The following ZNF397 variants were observed in gnomAD, a reference collection of about 807,000 sequenced individuals.
The protein encoded by ZNF397 is zinc finger protein 397.
In ZNF397, 38 loss-of-function variants were observed where a neutral mutation model predicts 50.6. The ratio of observed to expected loss-of-function variants is 0.75; its 90% CI spans 0.58 to 0.98. The LOEUF (loss-of-function observed/expected upper bound fraction) is 0.98, where lower values mean the gene tolerates loss of function less well. Among genes scored for constraint, ZNF397 ranks in the 50% least tolerant of loss-of-function variants. ZNF397 has a pLI of 0.00. For missense variants in ZNF397, 624 were observed against 624.1 expected, an observed-to-expected ratio of 1.00 and a Z score of 0.00; for synonymous variants, 228 against 215.2, an observed-to-expected ratio of 1.06 and a Z score of -0.52.
chr18:35,251,238 G>T (rs1035024610), downstream of ZNF397: 3 of 152,078 alleles, frequency 2.0e-5, no homozygotes, highest in African/African-American at 7.2e-5. Context: ...TGTTAACAAC[G>T]TTTCTATGGG....
chr18:35,246,561 C>T lies in ZNF397; in HGVS notation c.*251C>T, dbSNP rs758632511. Reference sequence around the variant, plus strand: ...TCTTATTAGGAATACTCAGGAAATACGAAAAGTGGGAATGTAACATTGAAA... The same window carrying T: ...TCTTATTAGGAATACTCAGGAAATATGAAAAGTGGGAATGTAACATTGAAA... On this transcript the variant is annotated 3_prime_UTR_variant, in exon 4 of 4. Coordinates refer to ENST00000330501, the MANE Select transcript of ZNF397 (RefSeq NM_001135178.3). The T allele has an allele frequency of 2.1e-4, 261 of 1,254,034 alleles. No homozygotes were observed. The highest frequency in any genetic ancestry group is 7.4e-4 in the Admixed American group (19 of 25,574). 77.7% of individuals were successfully genotyped at this position (1,254,034 alleles called of 1,614,324 possible).
At chr18:35,253,486 G>C (rs745950472), downstream of ZNF397, 6 of 1,603,438 alleles carry the variant, frequency 3.7e-6, no homozygotes, top group Non-Finnish European at 5.1e-6. Context: ...GCTGCATAAG[G>C]CCTGACCTAT....
intron 3 of ZNF397, among the ~76,000 whole-genome samples, chr18:35,244,655 C>T (rs1912793143): frequency 6.6e-6 from 1 of 151,952 alleles, no homozygotes; most frequent in Non-Finnish European, 1.5e-5. Flanking sequence ...GTGTGATCCT[C>T]AGTGTCAATG....
chr18:35,241,975 G>A lies in ZNF397; in HGVS notation c.-80-416G>A, dbSNP rs1005899136. On this transcript the variant is annotated intron_variant, in intron 1 of 3. Transcript: ENST00000330501. ...TTTAAAATCAGTATTACTAAATTCT[G>A]CCTAAATATTTTTACTCTTGGAAGT... Among the ~76,000 whole-genome samples, 24 of 152,058 alleles carry A rather than the reference G, an allele frequency of 1.6e-4. 1 individual carries two copies. The highest frequency in any genetic ancestry group is 1.6e-3 in the Admixed American group (24 of 15,262).
At chr18:35,245,119 C>T in intron 3 of ZNF397, 143 bp from the exon 4 acceptor site, 2 of 1,030,542 alleles carry the variant, frequency 1.9e-6, no homozygotes, top group Non-Finnish European at 2.7e-6. Flanking sequence ...ATAAGAGAGA[C>T]CCTCTTTTGG....
intron 3 of ZNF397, chr18:35,243,625 T>G: frequency 1.8e-6 from 1 of 567,606 alleles, no homozygotes; most frequent in Non-Finnish European, 3.1e-6. Flanking sequence ...TGTAGTAAAT[T>G]ATAGAATATA....
chr18:35,257,877 C>T (rs575582047), intron 5 of ZNF397: 1 of 780,898 alleles, frequency 1.3e-6, no homozygotes, highest in African/African-American at 1.7e-5. Context: ...GAGACCACAT[C>T]ATTGCTTGCT....
In ZNF397 at chr18:35,246,455, G is replaced by T. The variant is rs952499864; in HGVS notation, c.*145G>T. 4.9e-6 allele frequency: 7 copies of T among 1,434,050 alleles called. No individual in the cohort carries two copies. Among genetic ancestry groups the T allele is most frequent in the Non-Finnish European group, 6.4e-6 (7 of 1,096,632 alleles). The allele number at this position is 1,434,050 out of a possible 1,614,324, so 88.8% of individuals were successfully genotyped here. A position where few individuals can be genotyped will look rare whatever the true frequency, so the allele number is the denominator to read the frequency against. On this transcript the variant is annotated 3_prime_UTR_variant, in exon 4 of 4. Coordinates refer to ENST00000330501, the MANE Select transcript of ZNF397 (RefSeq NM_001135178.3). Reference sequence around the variant, plus strand: ...CTTGCTTTGTGCAGCATTTCCCAGTGCTAATGTAAAGTGTCCCTTGAAAGC... The same window carrying T: ...CTTGCTTTGTGCAGCATTTCCCAGTTCTAATGTAAAGTGTCCCTTGAAAGC...
At chr18:35,253,319 GTCT>G, downstream of ZNF397, 2 of 637,944 alleles carry the variant, frequency 3.1e-6, no homozygotes, top group South Asian at 2.7e-5. Context: ...TTGTGTGCAT[GTCT>G]TCTTATAGTA....
chr18:35,245,806 A>G lies in ZNF397; in HGVS notation c.1101A>G (p.Lys367=), dbSNP rs184181920. Residue 367 remains lysine (K), a synonymous_variant, in exon 4 of 4, where the codon AAA becomes AAG. Coordinates refer to ENST00000330501, the MANE Select transcript of ZNF397 (RefSeq NM_001135178.3). ...IRHRKIHTGE[K]ACKCNECGKA... is the part of the protein sequence containing the mutation. Reference sequence around the variant, plus strand: ...ATCGGAAAATCCATACTGGTGAGAAAGCTTGTAAATGTAATGAGTGTGGCA... The same window carrying G: ...ATCGGAAAATCCATACTGGTGAGAAGGCTTGTAAATGTAATGAGTGTGGCA... 9.2e-4 allele frequency: 1,433 copies of G among 1,552,278 alleles called. 3 individuals are homozygous for G. Among genetic ancestry groups the G allele is most frequent in the Middle Eastern group, 3.8e-3 (23 of 5,994 alleles).
At chr18:35,244,817 GATACT>G (rs1698973526) in intron 3 of ZNF397, among the ~76,000 whole-genome samples, 1 of 152,132 alleles carries the variant, frequency 6.6e-6, no homozygotes, top group Non-Finnish European at 1.5e-5. Flanking sequence ...GTGGAATGAG[GATACT>G]TTCACTTGAA....
intron 5 of ZNF397, among the ~76,000 whole-genome samples, chr18:35,255,196 C>G (rs1445962762): frequency 1.3e-5 from 2 of 151,108 alleles, no homozygotes; most frequent in Non-Finnish European, 3.0e-5. Context: ...ACAAAACATG[C>G]CCCATCTCTA....
At chr18:35,257,909 TTCTC>T (rs1569065406) in intron 5 of ZNF397, 2 of 781,080 alleles carry the variant, frequency 2.6e-6, no homozygotes, top group Non-Finnish European at 4.8e-6. Flanking sequence ...CTAATCCTGC[TTCTC>T]TCTCTCCATT....
Position 35,246,049 on chromosome 18 carries a change from T to G in ZNF397, c.1344T>G (p.Ser448Arg), listed in dbSNP as rs1569044931. The G allele has an allele frequency of 2.6e-6, 4 of 1,563,552 alleles. No individual in the cohort carries two copies. Among genetic ancestry groups the G allele is most frequent in the Non-Finnish European group, 3.5e-6 (4 of 1,154,062 alleles). Residue 448 changes from serine (S) to arginine (R), a missense_variant, in exon 4 of 4, where the codon AGT (serine) becomes AGG (arginine). Coordinates refer to ENST00000330501, the MANE Select transcript of ZNF397 (RefSeq NM_001135178.3). ...SELITHQRIHSGEKPYECSEC... is the reference protein window; with the variant it reads ...SELITHQRIHRGEKPYECSEC... The stretch of plus-strand genomic sequence containing the variant: ...TGATTACTCATCAGAGAATACATAG[T>G]GGAGAGAAACCCTATGAATGTAGTG...
At position 35,243,138 on chromosome 18, in the gene ZNF397, T is replaced by C; in HGVS notation, c.415-14T>C. ...GATTTTCTCACAAAGCTAACCATAT[T>C]TTACTGATTTCAGGTCCCAGCTAGT... On this transcript the variant is annotated splice_polypyrimidine_tract_variant and intron_variant, in intron 2 of 3. Coordinates refer to ENST00000330501, the MANE Select transcript of ZNF397 (RefSeq NM_001135178.3). 1 of 1,613,892 alleles carries C rather than the reference T, an allele frequency of 6.2e-7. No individual in the cohort carries two copies. Among genetic ancestry groups the C allele is most frequent in the Non-Finnish European group, 8.5e-7 (1 of 1,179,914 alleles).
chr18:35,243,208 A>G lies in ZNF397; in HGVS notation c.471A>G (p.Arg157=), dbSNP rs967435600. 2.5e-6 allele frequency: 4 copies of G among 1,614,120 alleles called. No individual in the cohort carries two copies. In the African/African-American group the frequency reaches 4.0e-5, roughly 16 times the overall value. The change falls in exon 3 of 4, where the codon AGA becomes AGG. Residue 157 remains arginine, a synonymous_variant. Coordinates refer to ENST00000330501, the MANE Select transcript of ZNF397 (RefSeq NM_001135178.3). The stretch of plus-strand genomic sequence containing the variant: ...CATGGAAGGATTTAACATGTCTCAG[A>G]GCATCCCAAGAGTCAACAGACATCC... ...AVPWKDLTCL[R]ASQESTDIHL...
At chr18:35,253,886 A>G, downstream of ZNF397, 1 of 1,614,130 alleles carries the variant, frequency 6.2e-7, no homozygotes, top group Non-Finnish European at 8.5e-7. Context: ...ACCACTATGA[A>G]TTCTCTGATG....
intron 5 of ZNF397, among the ~76,000 whole-genome samples, chr18:35,256,104 T>C (rs1341962019): frequency 2.0e-5 from 3 of 152,202 alleles, no homozygotes; most frequent in Non-Finnish European, 4.4e-5. Flanking sequence ...TCTGTAACTA[T>C]ATGAAGTCAA....
At chr18:35,254,408 T>C, downstream of ZNF397, 9 of 1,613,874 alleles carry the variant, frequency 5.6e-6, no homozygotes, top group Non-Finnish European at 6.8e-6. Flanking sequence ...AAAGTGTAAG[T>C]ATCATTTACT....
Sources: gnomAD v4.1 joint callset for allele counts (sites outside exome capture counted in the v4.1 genomes callset) on GRCh38, gnomAD v4.1.1 for gene constraint, MANE v1.5 for transcripts, NCBI Gene and HGNC (gene_info 2026-07-23, HGNC 2026-07-21) for gene names.